MRPL43: variants seen among roughly 807,000 people sequenced by gnomAD.
The protein encoded by MRPL43 is mitochondrial ribosomal protein L43.
In MRPL43, 9 loss-of-function variants were observed where a neutral mutation model predicts 12.7. The ratio of observed to expected loss-of-function variants is 0.71; its 90% CI spans 0.43 to 1.24. The LOEUF (loss-of-function observed/expected upper bound fraction) is 1.24. MRPL43 is among the 50% of genes most tolerant of loss of function. The pLI is 0.00. For missense variants in MRPL43, 211 were observed against 229.2 expected (o/e 0.92, Z 0.51); for synonymous variants, 116 against 96.4 (o/e 1.20, Z -1.19).
downstream of MRPL43, chr10:100,983,786 G>T: frequency 6.2e-7 from 1 of 1,607,440 alleles, no homozygotes; most frequent in Non-Finnish European, 8.5e-7. Context: ...GAGGATCTGC[G>T]GTGCAACTGC....
chr10:100,983,601 G>A (rs775801456), downstream of MRPL43: 2 of 1,614,096 alleles, frequency 1.2e-6, no homozygotes, highest in South Asian at 2.2e-5. Context: ...AAAAGCCCCT[G>A]CCACACCTGG....
chr10:100,978,618 G>T, downstream of MRPL43: 2 of 1,614,072 alleles, frequency 1.2e-6, no homozygotes, highest in South Asian at 1.1e-5. Flanking sequence ...GAACTGAGGA[G>T]ACACCAATGC....
At chr10:100,983,740 G>A (rs527848892), downstream of MRPL43, 17 of 1,613,008 alleles carry the variant, frequency 1.1e-5, no homozygotes, top group South Asian at 3.3e-5. Context: ...CGAGGGCGCC[G>A]ACGGAAATAC....
chr10:100,981,526 G>C (rs202196427), downstream of MRPL43: 2 of 1,613,892 alleles, frequency 1.2e-6, no homozygotes, highest in African/African-American at 2.7e-5. Context: ...AAGGAAGATC[G>C]GATGACTGAA....
chr10:100,985,274 CCT>C (rs971792769), downstream of MRPL43: 9 of 185,092 alleles, frequency 4.9e-5, no homozygotes, highest in Non-Finnish European at 1.0e-4. Flanking sequence ...AGCTCCTACC[CCT>C]GTCCTACCTC....
downstream of MRPL43, chr10:100,984,720 T>C (rs1044109678): frequency 6.5e-7 from 1 of 1,536,138 alleles, no homozygotes; most frequent in Non-Finnish European, 8.7e-7. Context: ...ACCCTCCCAA[T>C]TGCCACATCC....
At chr10:100,980,787 G>T, downstream of MRPL43, 1 of 1,561,270 alleles carries the variant, frequency 6.4e-7, no homozygotes. Flanking sequence ...TATGAGTGGG[G>T]ACGCTGCCGA....
chr10:100,978,815 G>A (rs543987417), downstream of MRPL43: 45 of 1,606,270 alleles, frequency 2.8e-5, 1 homozygote, highest in South Asian at 4.4e-4. Context: ...TCCCCAGCCT[G>A]TCTCAAAAGC....
chr10:100,984,007 T>C (rs780702310), downstream of MRPL43: 2 of 1,613,114 alleles, frequency 1.2e-6, no homozygotes, highest in Non-Finnish European at 1.7e-6. Context: ...AGCTATGTGC[T>C]TCTGAGGCAG....
chr10:100,985,621 TGAC>T (rs1044530708), downstream of MRPL43: 2 of 152,604 alleles, frequency 1.3e-5, no homozygotes, highest in Admixed American at 1.3e-4. Flanking sequence ...CCCACAGCTA[TGAC>T]TAGTCTGCTT....
downstream of MRPL43, chr10:100,977,896 T>C: frequency 3.3e-6 from 2 of 614,788 alleles, no homozygotes; most frequent in East Asian, 2.8e-5. Context: ...TGGAGAACCA[T>C]TCCCCTTTGT....
downstream of MRPL43, chr10:100,977,847 G>A (rs1324348143): frequency 1.1e-6 from 1 of 880,982 alleles, no homozygotes; most frequent in Admixed American, 1.9e-5. Context: ...TTATTAAGGG[G>A]ACTTCCATAC....
At chr10:100,984,412 C>T, downstream of MRPL43, 1 of 1,467,630 alleles carries the variant, frequency 6.8e-7, no homozygotes, top group Non-Finnish European at 9.0e-7. Flanking sequence ...GTTCCTATCC[C>T]CTAACCTAAA....
At chr10:100,978,838 C>T (rs1850920044), downstream of MRPL43, 23 of 1,612,250 alleles carry the variant, frequency 1.4e-5, no homozygotes, top group Non-Finnish European at 2.0e-5. Context: ...CTCAAACTGC[C>T]TGACCCACAG....
downstream of MRPL43, chr10:100,979,255 A>G: frequency 6.2e-7 from 1 of 1,614,240 alleles, no homozygotes; most frequent in Non-Finnish European, 8.5e-7. Flanking sequence ...TGCAGCCTTC[A>G]CGCTGAGCAC....
chr10:100,982,524 G>A (rs1217706603), downstream of MRPL43, among the ~76,000 whole-genome samples: 1 of 152,232 alleles, frequency 6.6e-6, no homozygotes, highest in Non-Finnish European at 1.5e-5. Context: ...CGGGCACGGT[G>A]GCTCATGCCT....
chr10:100,987,463 C>A lies in MRPL43; in HGVS notation c.-20G>T, dbSNP rs1171008259. ...CGTCATAGCTACAGCTTGGAGGCCG[C>A]GGAGCCTAAGCAGCGAGGAGAGGGG... On this transcript the variant is annotated 5_prime_UTR_variant, in exon 1 of 3. Transcript: ENST00000318364. 1 of 1,610,570 alleles carries A rather than the reference C, an allele frequency of 6.2e-7. No individual in the cohort carries two copies. The highest frequency in any genetic ancestry group is 8.5e-7 in the Non-Finnish European group (1 of 1,179,086).
chr10:100,980,791 C>A, downstream of MRPL43: 1 of 1,556,214 alleles, frequency 6.4e-7, no homozygotes, highest in Non-Finnish European at 8.7e-7. Flanking sequence ...AGTGGGGACG[C>A]TGCCGACCAA....
At chr10:100,980,844 C>T (rs1203475590), downstream of MRPL43, 9 of 1,591,084 alleles carry the variant, frequency 5.7e-6, no homozygotes, top group Non-Finnish European at 7.7e-6. Flanking sequence ...GTGGGGGCTC[C>T]TAGCGGAGTC....
Sources: gnomAD v4.1 joint callset for allele counts (sites outside exome capture counted in the v4.1 genomes callset) on GRCh38, gnomAD v4.1.1 for gene constraint, MANE v1.5 for transcripts, NCBI Gene and HGNC (gene_info 2026-07-23, HGNC 2026-07-21) for gene names.